The following KTN1 variants were observed in gnomAD, a reference collection of about 807,000 sequenced individuals.
KTN1 encodes kinectin 1, also known as kinectin.
Under a neutral mutation model 222.5 loss-of-function variants are expected in KTN1, and 130 were observed. The ratio of observed to expected loss-of-function variants is 0.58; its 90% confidence interval spans 0.51 to 0.68. KTN1 has a LOEUF of 0.68. Ranked by LOEUF, KTN1 falls within the 30% of genes least tolerant of loss-of-function variation. The probability of loss-of-function intolerance (pLI) is 0.00; values close to 1 mark genes in which losing one functional copy is unlikely to be tolerated. For synonymous variants in KTN1, 512 were observed against 496.3 expected (o/e 1.03, Z -0.42); for missense variants, 1,508 against 1,500.4 (o/e 1.01, Z -0.08).
chr14:55,619,504 G>T (rs1347488878), intron 5 of KTN1, among the ~76,000 whole-genome samples, 192 bp downstream of exon 5: 1 of 152,140 alleles, frequency 6.6e-6, no homozygotes, highest in Admixed American at 6.5e-5. Flanking sequence ...AGATACCCGA[G>T]ACTGGGTAAT....
At chr14:55,655,697 A>G (rs2043396627) in intron 28 of KTN1, among the ~76,000 whole-genome samples, 1 of 152,236 alleles carries the variant, frequency 6.6e-6, no homozygotes, top group Admixed American at 6.5e-5. Context: ...CATATTTTGT[A>G]ATTTCCAGGG....
chr14:55,585,337 AT>A (rs2032760706), intron 1 of KTN1, among the ~76,000 whole-genome samples: 1 of 152,176 alleles, frequency 6.6e-6, no homozygotes, highest in Admixed American at 6.5e-5. Flanking sequence ...ACTCCACATG[AT>A]TAGGACCATT....
intron 1 of KTN1, among the ~76,000 whole-genome samples, chr14:55,583,059 T>C (rs1417852802): frequency 6.6e-6 from 1 of 152,192 alleles, no homozygotes; most frequent in Non-Finnish European, 1.5e-5. Context: ...GGGAAAATAT[T>C]GGTCTAGATG....
intron 5 of KTN1, among the ~76,000 whole-genome samples, chr14:55,623,472 C>T (rs367852214): frequency 5.2e-4 from 79 of 152,318 alleles, no homozygotes; most frequent in African/African-American, 1.8e-3. Flanking sequence ...CTTCAACTCT[C>T]GGGCTCAAGC....
At position 55,659,660 on chromosome 14, in the gene KTN1, T is replaced by G. The variant is rs752643865; in HGVS notation, c.2962-6T>G. ...GTTCTGAAATAACATTTAACTCTTT[T>G]GATAGGCATCTTCTTTTCCCCCTCA... is the stretch of plus-strand genomic sequence containing the variant. On this transcript the variant is annotated splice_polypyrimidine_tract_variant and splice_region_variant and intron_variant, in intron 30 of 43. Coordinates refer to ENST00000395314, the MANE Select transcript of KTN1 (RefSeq NM_001079521.2). 3.4e-6 allele frequency: 5 copies of G among 1,480,802 alleles called. No individual in the cohort carries two copies. The highest frequency in any genetic ancestry group is 4.7e-6 in the Non-Finnish European group (5 of 1,060,586). 91.7% of individuals were successfully genotyped at this position (1,480,802 alleles called of 1,614,324 possible).
chr14:55,615,381 C>T (rs2140677990), intron 2 of KTN1, among the ~76,000 whole-genome samples: 2 of 151,988 alleles, frequency 1.3e-5, no homozygotes, highest in Admixed American at 1.3e-4. Context: ...TCCCCCGTCC[C>T]TCCCCCTTCC....
intron 41 of KTN1, 104 bp downstream of exon 41, chr14:55,676,022 T>C: frequency 1.4e-6 from 1 of 721,734 alleles, no homozygotes; most frequent in Non-Finnish European, 2.3e-6. Context: ...TTTTGCATCA[T>C]AATATTAACC....
chr14:55,586,755 C>T (rs745962147), intron 1 of KTN1, among the ~76,000 whole-genome samples: 11 of 151,996 alleles, frequency 7.2e-5, no homozygotes, highest in Non-Finnish European at 1.2e-4. Flanking sequence ...TGAAGTTTTT[C>T]AAGTGGAGAA....
At chr14:55,680,005 T>C (rs1248869231) in intron 43 of KTN1, 3 of 250,516 alleles carry the variant, frequency 1.2e-5, no homozygotes, top group East Asian at 2.2e-4. Flanking sequence ...GTTCTTAGTT[T>C]AGAGTAAGTA....
At chr14:55,623,668 G>A (rs1300947075) in intron 5 of KTN1, among the ~76,000 whole-genome samples, 1 of 152,236 alleles carries the variant, frequency 6.6e-6, no homozygotes, top group East Asian at 1.9e-4. Context: ...ACGGCTCCTA[G>A]CCTTGATATT....
intron 2 of KTN1, 109 bp from the exon 3 acceptor site, chr14:55,616,408 A>T: frequency 3.1e-6 from 3 of 972,806 alleles, no homozygotes; most frequent in Non-Finnish European, 3.0e-6. Context: ...TATATGTCAG[A>T]CTTTAAATTT....
At chr14:55,611,685 T>C (rs1197322523) in intron 1 of KTN1, among the ~76,000 whole-genome samples, 1 of 152,194 alleles carries the variant, frequency 6.6e-6, no homozygotes, top group Non-Finnish European at 1.5e-5. Flanking sequence ...ACAAAAAAGT[T>C]AACTACTAAT....
chr14:55,670,033 A>G (rs1263553579), intron 34 of KTN1, among the ~76,000 whole-genome samples: 1 of 152,052 alleles, frequency 6.6e-6, no homozygotes, highest in Non-Finnish European at 1.5e-5. Context: ...TCAATAATTT[A>G]GAGTAATTTA....
At chr14:55,584,173 G>T (rs1594660911) in intron 1 of KTN1, among the ~76,000 whole-genome samples, 1 of 152,084 alleles carries the variant, frequency 6.6e-6, no homozygotes, top group African/African-American at 2.4e-5. Flanking sequence ...TGTCCTTAAG[G>T]CCATGCAGAA....
At chr14:55,640,574 A>C in intron 15 of KTN1, 132 bp downstream of exon 15, 1 of 645,354 alleles carries the variant, frequency 1.5e-6, no homozygotes, top group Non-Finnish European at 2.7e-6. Flanking sequence ...TGGCTGCATG[A>C]TTTGATGTTA....
Position 55,634,673 on chromosome 14 carries a change from C to G in KTN1, c.1461+15C>G, listed in dbSNP as rs774787924. On this transcript the variant is annotated intron_variant, in intron 9 of 43. Transcript: ENST00000395314. ...CTCAGTTGAAGGTGATATATTCTCA[C>G]CTTTATTTGTCATTTCATGAATAAT... 1 of 1,601,550 alleles carries G rather than the reference C, an allele frequency of 6.2e-7. No homozygotes were observed. Among genetic ancestry groups the G allele is most frequent in the Admixed American group, 1.7e-5 (1 of 57,324 alleles).
At position 55,676,874 on chromosome 14, in the gene KTN1, C is replaced by T. The variant is rs766708096; in HGVS notation, c.3855+956C>T. ...GTGTAGACAGAATGTGAATTTGGGT[C>T]TGTTTTAGAGGACAAACTTTGATGC... On this transcript the variant is annotated intron_variant, in intron 41 of 43. Coordinates refer to ENST00000395314, the MANE Select transcript of KTN1 (RefSeq NM_001079521.2). Among the ~76,000 whole-genome samples, 5 of 152,100 alleles carry T rather than the reference C, an allele frequency of 3.3e-5. 1 individual carries two copies. The East Asian group carries it at 9.7e-4, about 29-fold the overall frequency.
chr14:55,647,056 A>T (rs376484124), intron 19 of KTN1, 49 bp downstream of exon 19: 2 of 1,061,908 alleles, frequency 1.9e-6, no homozygotes, highest in African/African-American at 3.2e-5. Context: ...CTTCTACCAA[A>T]TTAACTACAT....
At chr14:55,594,506 T>G (rs952689813) in intron 1 of KTN1, among the ~76,000 whole-genome samples, 4 of 151,802 alleles carry the variant, frequency 2.6e-5, no homozygotes, top group South Asian at 4.1e-4. Context: ...GAGTTTTTTT[T>G]TTTTTTTTTT....
Sources: allele counts gnomAD v4.1 joint callset (sites outside exome capture counted in the v4.1 genomes callset), GRCh38; gene constraint gnomAD v4.1.1; transcripts MANE v1.5; gene names NCBI Gene and HGNC (gene_info 2026-07-23, HGNC 2026-07-21).